TPX2: variants seen among roughly 807,000 people sequenced by gnomAD.
The protein encoded by TPX2 is TPX2 microtubule nucleation factor.
In TPX2, 21 loss-of-function variants were observed where a neutral mutation model predicts 93.6. That is an observed-to-expected ratio of 0.22 (90% CI 0.16 to 0.32). The LOEUF is 0.32. Ranked by LOEUF, TPX2 falls within the 10% of genes least tolerant of loss-of-function variation. The pLI, the probability that TPX2 is intolerant of heterozygous loss-of-function variation, is 1.00. For synonymous variants in TPX2, 281 were observed against 298.3 expected, an observed-to-expected ratio of 0.94 and a Z score of 0.60; for missense variants, 776 against 871.1, an observed-to-expected ratio of 0.89 and a Z score of 1.37.
At chr20:31,790,822 CAG>C (rs1391899091) in intron 12 of TPX2, among the ~76,000 whole-genome samples, 1 of 152,092 alleles carries the variant, frequency 6.6e-6, no homozygotes, top group Admixed American at 6.5e-5. Context: ...CTCAGGCTAG[CAG>C]GGGGAAATGA....
Position 31,801,331 on chromosome 20 carries a change from T to A in TPX2, c.*251T>A, listed in dbSNP as rs2062170891. The A allele has an allele frequency of 2.4e-6, 1 of 413,844 alleles. No homozygotes were observed. The highest frequency in any genetic ancestry group is 4.4e-6 in the Non-Finnish European group (1 of 228,126). 25.6% of individuals were successfully genotyped at this position (413,844 alleles called of 1,614,324 possible). Reference sequence around the variant, plus strand: ...GATTAGACTCCATGTAGTTACTTCCTTTAAACCATCAGCCGGCCTTTTATA... The same window carrying A: ...GATTAGACTCCATGTAGTTACTTCCATTAAACCATCAGCCGGCCTTTTATA... On this transcript the variant is annotated 3_prime_UTR_variant, in exon 18 of 18. Coordinates refer to ENST00000300403, the MANE Select transcript of TPX2 (RefSeq NM_012112.5).
chr20:31,745,176 A>C (rs747989511), intron 2 of TPX2, among the ~76,000 whole-genome samples: 22 of 152,234 alleles, frequency 1.4e-4, no homozygotes, highest in Non-Finnish European at 3.1e-4. Context: ...ATTTACCTAA[A>C]ACAGTATATA....
intron 3 of TPX2, among the ~76,000 whole-genome samples, chr20:31,758,999 A>G (rs1307430478): frequency 3.3e-5 from 5 of 152,232 alleles, no homozygotes; most frequent in Non-Finnish European, 7.4e-5. Flanking sequence ...GTTTTAAAAC[A>G]TTTTTATTTT....
Position 31,771,567 on chromosome 20 carries a change from A to C in TPX2, c.493A>C (p.Asn165His), listed in dbSNP as rs778226175. ...LPSKKMKVSN[N>H]KKKPEEEGSA... is the part of the protein sequence containing the mutation. Reference sequence around the variant, plus strand: ...TGTCCTTTTGAACTCAAGTTCTAACAACAAAAAGAAGCCAGAGGAAGAAGG... The same window carrying C: ...TGTCCTTTTGAACTCAAGTTCTAACCACAAAAAGAAGCCAGAGGAAGAAGG... The change falls in exon 7 of 18, where the codon AAC becomes CAC. Residue 165 changes from asparagine to histidine, a missense_variant. This residue lies in a region of TPX2 where 279 missense variants were observed against 261.6 expected (regional missense o/e 1.07). Coordinates refer to ENST00000300403, the MANE Select transcript of TPX2 (RefSeq NM_012112.5). 23 of 1,611,014 alleles carry C rather than the reference A, an allele frequency of 1.4e-5. No individual in the cohort carries two copies. The highest frequency in any genetic ancestry group is 2.0e-5 in the Non-Finnish European group (23 of 1,179,302).
At position 31,801,072 on chromosome 20, in the gene TPX2, C is replaced by T; in HGVS notation, c.2236C>T (p.His746Tyr). Residue 746 changes from histidine (H) to tyrosine (Y), a missense_variant, in exon 18 of 18, where the codon CAC becomes TAC. Around this residue, in one of 3 missense-constraint regions of TPX2, gnomAD observed 461 missense variants for 551.2 expected, o/e 0.84. Coordinates refer to ENST00000300403, the MANE Select transcript of TPX2 (RefSeq NM_012112.5). Reference protein sequence around the residue: ...PVSPKFSTRFHC With the variant: ...PVSPKFSTRFYC ...ATCTCCCAAATTCTCCACTCGATTC[C>T]ACTGCTAAACTCAGCTGTGAGCTGC... 1 of 1,614,062 alleles carries T rather than the reference C, an allele frequency of 6.2e-7. No homozygotes were observed. The highest frequency in any genetic ancestry group is 1.1e-5 in the South Asian group (1 of 91,076).
intron 2 of TPX2, among the ~76,000 whole-genome samples, chr20:31,743,215 A>C (rs1372609808): frequency 1.3e-5 from 2 of 152,138 alleles, no homozygotes; most frequent in African/African-American, 4.8e-5. Context: ...AAAACAAACA[A>C]AACAAAATTC....
chr20:31,769,638 T>C (rs1256875293), intron 5 of TPX2, among the ~76,000 whole-genome samples: 1 of 152,158 alleles, frequency 6.6e-6, no homozygotes, highest in African/African-American at 2.4e-5. Context: ...TAATGATCAC[T>C]CTTAAAATCA....
At chr20:31,770,206 T>G (rs576953858) in intron 5 of TPX2, 137 bp from the exon 6 acceptor site, 1 of 487,884 alleles carries the variant, frequency 2.0e-6, no homozygotes, top group Non-Finnish European at 3.2e-6. Flanking sequence ...CAAGAGAGAT[T>G]AGATTTTTAG....
chr20:31,756,660 C>T (rs1168942166), intron 2 of TPX2, among the ~76,000 whole-genome samples: 1 of 151,722 alleles, frequency 6.6e-6, no homozygotes, highest in Non-Finnish European at 1.5e-5. Context: ...TTTTGCTCTT[C>T]TTGCCCAGGC....
chr20:31,746,218 AAC>A lies in TPX2; in HGVS notation c.-71+3575_-71+3576del, dbSNP rs1199493113. The stretch of plus-strand genomic sequence containing the variant: ...AGAAGTTAGCAAACATAAATGTGGA[AAC>A]ACAAAGTCCATTAAACTTCCTTCAG... On this transcript the variant is annotated intron_variant, in intron 2 of 17. Transcript: ENST00000300403. 5.9e-5 allele frequency among the ~76,000 whole-genome samples: 9 copies of A among 152,346 alleles called. No individual in the cohort carries two copies. In the East Asian group the frequency reaches 1.7e-3, roughly 29 times the overall value.
chr20:31,785,513 T>C (rs1568601881), intron 12 of TPX2, among the ~76,000 whole-genome samples: 2 of 152,042 alleles, frequency 1.3e-5, no homozygotes, highest in Admixed American at 1.3e-4. Flanking sequence ...TTTTTTTTTT[T>C]TGAGTTGGAG....
intron 16 of TPX2, 57 bp downstream of exon 16, chr20:31,797,572 G>A: frequency 6.8e-7 from 1 of 1,473,580 alleles, no homozygotes; most frequent in Non-Finnish European, 9.5e-7. Flanking sequence ...TTCCCAGTGG[G>A]ATGCTGGAAT....
intron 12 of TPX2, among the ~76,000 whole-genome samples, chr20:31,784,589 A>T (rs2062053893): frequency 6.6e-6 from 1 of 152,214 alleles, no homozygotes; most frequent in African/African-American, 2.4e-5. Flanking sequence ...GGATTGGCAG[A>T]ACATTCCAGG....
chr20:31,782,174 A>G, intron 10 of TPX2, 75 bp from the exon 11 acceptor site: 3 of 1,535,482 alleles, frequency 2.0e-6, no homozygotes, highest in Non-Finnish European at 2.6e-6. Flanking sequence ...TCTCTGGGCT[A>G]CATAGGTGAA....
intron 2 of TPX2, among the ~76,000 whole-genome samples, chr20:31,746,534 T>C (rs1370628057): frequency 6.6e-6 from 1 of 152,208 alleles, no homozygotes; most frequent in Admixed American, 6.5e-5. Context: ...TTCTATTATA[T>C]TACCAGTTTA....
At position 31,801,187 on chromosome 20, in the gene TPX2, A is replaced by C. The variant is rs749959218; in HGVS notation, c.*107A>C. The C allele has an allele frequency of 2.4e-5, 23 of 963,906 alleles. No individual in the cohort carries two copies. Among genetic ancestry groups the C allele is most frequent in the Non-Finnish European group, 3.5e-5 (22 of 619,756 alleles). 59.7% of individuals were successfully genotyped at this position (963,906 alleles called of 1,614,324 possible). On this transcript the variant is annotated 3_prime_UTR_variant, in exon 18 of 18. Coordinates refer to ENST00000300403, the MANE Select transcript of TPX2 (RefSeq NM_012112.5). ...GGGCATGGAGAGAACCCATTTCTCCAGACTTTTACCTACCCGTGCCTGAGA... is the reference window on the plus strand; with the variant it reads ...GGGCATGGAGAGAACCCATTTCTCCCGACTTTTACCTACCCGTGCCTGAGA...
chr20:31,795,135 C>A (rs1051868671), intron 15 of TPX2, among the ~76,000 whole-genome samples: 3 of 148,556 alleles, frequency 2.0e-5, no homozygotes, highest in Non-Finnish European at 4.5e-5. Flanking sequence ...GTTTTCAACT[C>A]TTTTTTTGTT....
intron 9 of TPX2, 113 bp downstream of exon 9, chr20:31,777,751 T>C (rs2062010537): frequency 8.8e-7 from 1 of 1,142,256 alleles, no homozygotes; most frequent in African/African-American, 1.6e-5. Context: ...AAACCTTGTG[T>C]CTATAAAGTT....
intron 2 of TPX2, among the ~76,000 whole-genome samples, chr20:31,748,007 A>G (rs1275516637): frequency 6.6e-6 from 1 of 151,982 alleles, no homozygotes; most frequent in Non-Finnish European, 1.5e-5. Context: ...ATTACCCAGT[A>G]GTTAGCTTTT....
Sources: allele counts gnomAD v4.1 joint callset (sites outside exome capture counted in the v4.1 genomes callset), GRCh38; gene constraint gnomAD v4.1.1; regional missense constraint gnomAD v4.1.1; transcripts MANE v1.5; gene names NCBI Gene and HGNC (gene_info 2026-07-23, HGNC 2026-07-21).